The following M1AP variants were observed in gnomAD, a reference collection of about 807,000 sequenced individuals.
The protein encoded by M1AP is meiosis 1 arrest protein.
Under a neutral mutation model 51.2 loss-of-function variants are expected in M1AP, and 39 were observed. That is an observed-to-expected ratio of 0.76 (90% confidence interval 0.59 to 1.00). M1AP has a LOEUF of 1.00. Among genes scored for constraint, M1AP ranks in the 50% least tolerant of loss-of-function variants. The pLI, the probability that M1AP is intolerant of heterozygous loss-of-function variation, is 0.00. For missense variants in M1AP, 545 were observed against 641.2 expected (o/e 0.85, Z 1.62); for synonymous variants, 251 against 249.2 (o/e 1.01, Z -0.07).
At chr2:74,597,897 T>C (rs577137798) in intron 4 of M1AP, among the ~76,000 whole-genome samples, 1 of 152,300 alleles carries the variant, frequency 6.6e-6, no homozygotes, top group East Asian at 1.9e-4. Context: ...TTTTATTGTA[T>C]GCCAATAAAT....
At chr2:74,584,821 T>C (rs1217330780) in intron 4 of M1AP, among the ~76,000 whole-genome samples, 2 of 147,958 alleles carry the variant, frequency 1.4e-5, no homozygotes, top group Non-Finnish European at 3.0e-5. Flanking sequence ...TATATATATA[T>C]ATATATATTT....
chr2:74,574,168 A>G lies in M1AP; in HGVS notation c.1074+1270T>C, dbSNP rs1490314730. Among the ~76,000 whole-genome samples the G allele has an allele frequency of 2.6e-5, 4 of 152,226 alleles. No homozygotes were observed. In the South Asian group the frequency reaches 6.2e-4, roughly 24 times the overall value. ...ATTGCTGTGCTGTCCTGATCATCCT[A>G]CTAAGTCAAACCTTTATTCTATATC... On this transcript the variant is annotated intron_variant, in intron 7 of 10. Coordinates refer to ENST00000421985, the MANE Select transcript of M1AP (RefSeq NM_001321739.2).
In M1AP at chr2:74,558,641, G is replaced by T; in HGVS notation, c.*75C>A. 2 of 1,554,768 alleles carry T rather than the reference G, an allele frequency of 1.3e-6. No individual in the cohort carries two copies. The highest frequency in any genetic ancestry group is 2.3e-5 in the South Asian group (2 of 85,682). ...GCTCAGGCGGATAGAGAGCAAGTCTGACCACAGATAGCCATTATGTGAACC... is the reference window on the plus strand; with the variant it reads ...GCTCAGGCGGATAGAGAGCAAGTCTTACCACAGATAGCCATTATGTGAACC... On this transcript the variant is annotated 3_prime_UTR_variant, in exon 11 of 11. Transcript: ENST00000421985.
intron 7 of M1AP, among the ~76,000 whole-genome samples, chr2:74,570,199 A>C (rs1348000879): frequency 6.6e-6 from 1 of 152,162 alleles, no homozygotes; most frequent in African/African-American, 2.4e-5. Flanking sequence ...AAGTTGCCTA[A>C]GTTCACACAG....
chr2:74,565,008 G>A (rs1236107050), intron 7 of M1AP, among the ~76,000 whole-genome samples: 1 of 152,186 alleles, frequency 6.6e-6, no homozygotes, highest in East Asian at 1.9e-4. Context: ...ATCAACTGAG[G>A]TTAGGAGTTT....
chr2:74,641,642 T>TA (rs1683302620), intron 1 of M1AP, among the ~76,000 whole-genome samples: 1 of 116,482 alleles, frequency 8.6e-6, no homozygotes, highest in Non-Finnish European at 1.6e-5. Flanking sequence ...AATTTCAATC[T>TA]TTTTTTTTTT....
At chr2:74,639,907 C>T (rs552318263) in intron 2 of M1AP, 129 bp downstream of exon 2, 18 of 795,346 alleles carry the variant, frequency 2.3e-5, no homozygotes, top group South Asian at 1.4e-4. Context: ...TGGTGTTACT[C>T]GGGGGCTACT....
intron 1 of M1AP, among the ~76,000 whole-genome samples, chr2:74,645,667 A>G (rs546490558): frequency 1.2e-4 from 19 of 152,174 alleles, no homozygotes; most frequent in East Asian, 5.8e-4. Flanking sequence ...CTCCCCCTTA[A>G]TTTGCATGTA....
At chr2:74,571,840 T>C (rs2104548905) in intron 7 of M1AP, among the ~76,000 whole-genome samples, 1 of 151,918 alleles carries the variant, frequency 6.6e-6, no homozygotes, top group South Asian at 2.1e-4. Context: ...CTACTAAAAA[T>C]AAAAAATTAG....
At chr2:74,585,549 G>A (rs1038540907) in intron 4 of M1AP, among the ~76,000 whole-genome samples, 21 of 152,282 alleles carry the variant, frequency 1.4e-4, no homozygotes, top group African/African-American at 4.1e-4. Flanking sequence ...GTCACCCATC[G>A]ATGTTCTGAC....
At position 74,648,251 on chromosome 2, in the gene M1AP, G is replaced by T. The variant is rs991614617; in HGVS notation, c.-53+14C>A. 5 of 983,444 alleles carry T rather than the reference G, an allele frequency of 5.1e-6. No individual in the cohort carries two copies. Among genetic ancestry groups the T allele is most frequent in the Non-Finnish European group, 4.8e-6 (4 of 828,226 alleles). 60.9% of individuals were successfully genotyped at this position (983,444 alleles called of 1,614,324 possible). A position where few individuals can be genotyped will look rare whatever the true frequency, so the allele number is the denominator to read the frequency against. Reference sequence around the variant, plus strand: ...TCGGGCTGCCCTCCCTCCCCGAGGCGTGGAGAACCGTACCTGTCTTCGGAA... The same window carrying T: ...TCGGGCTGCCCTCCCTCCCCGAGGCTTGGAGAACCGTACCTGTCTTCGGAA... On this transcript the variant is annotated intron_variant, in intron 1 of 10. Coordinates refer to ENST00000421985, the MANE Select transcript of M1AP (RefSeq NM_001321739.2).
intron 9 of M1AP, 87 bp downstream of exon 9, chr2:74,560,064 G>A: frequency 1.4e-6 from 2 of 1,446,076 alleles, no homozygotes; most frequent in Non-Finnish European, 9.4e-7. Context: ...GGCGGTGTTG[G>A]GATGGGGGAG....
At chr2:74,640,997 G>A (rs959272285) in intron 1 of M1AP, among the ~76,000 whole-genome samples, 34 of 152,332 alleles carry the variant, frequency 2.2e-4, no homozygotes, top group African/African-American at 7.7e-4. Flanking sequence ...CCCAAGGGTA[G>A]AGAACCTGTC....
At chr2:74,569,572 G>T (rs181311735) in intron 7 of M1AP, among the ~76,000 whole-genome samples, 39 of 151,778 alleles carry the variant, frequency 2.6e-4, no homozygotes, top group Admixed American at 1.9e-3. Context: ...ATGAGGTTTC[G>T]CCATGTTGGC....
At chr2:74,634,877 T>C (rs1201731426) in intron 2 of M1AP, among the ~76,000 whole-genome samples, 1 of 152,198 alleles carries the variant, frequency 6.6e-6, no homozygotes, top group East Asian at 1.9e-4. Flanking sequence ...TTTTAATTGC[T>C]GAATTCTATT....
At chr2:74,575,377 T>C in intron 7 of M1AP, 61 bp downstream of exon 7, 2 of 1,604,548 alleles carry the variant, frequency 1.2e-6, no homozygotes, top group Non-Finnish European at 1.7e-6. Flanking sequence ...GTTAGCTGCT[T>C]TTCTGTGGTT....
At chr2:74,601,463 T>C (rs1019416482) in intron 4 of M1AP, among the ~76,000 whole-genome samples, 1 of 152,254 alleles carries the variant, frequency 6.6e-6, no homozygotes, top group Middle Eastern at 3.4e-3. Context: ...CTTACAATGT[T>C]GATGGTAGTT....
chr2:74,627,310 T>C (rs542703321), intron 2 of M1AP, among the ~76,000 whole-genome samples: 14 of 152,166 alleles, frequency 9.2e-5, no homozygotes, highest in Admixed American at 2.0e-4. Flanking sequence ...ACTTTTAACT[T>C]GTTGCTCTTA....
At chr2:74,640,884 A>G (rs894335943) in intron 1 of M1AP, among the ~76,000 whole-genome samples, 1 of 152,244 alleles carries the variant, frequency 6.6e-6, no homozygotes, top group Non-Finnish European at 1.5e-5. Flanking sequence ...TTCTGTCTCA[A>G]AGTAAGCTAT....
Sources: gnomAD v4.1 joint callset for allele counts (sites outside exome capture counted in the v4.1 genomes callset) on GRCh38, gnomAD v4.1.1 for gene constraint, MANE v1.5 for transcripts, NCBI Gene and HGNC (gene_info 2026-07-23, HGNC 2026-07-21) for gene names.